Variants in LHX9 observed in about 807,000 individuals in gnomAD.
LHX9 encodes LIM/homeobox protein Lhx9.
In LHX9, 9 loss-of-function variants were observed where a neutral mutation model predicts 36.5. That is an observed-to-expected ratio of 0.25 (90% CI 0.15 to 0.43). The LOEUF (loss-of-function observed/expected upper bound fraction) is 0.43, where lower values mean the gene tolerates loss of function less well. LHX9 is among the 20% of genes least tolerant of loss of function. LHX9 has a pLI of 1.00. For synonymous variants in LHX9, 211 were observed against 212.1 expected (o/e 0.99, Z 0.04); for missense variants, 464 against 526.4 (o/e 0.88, Z 1.16).
upstream of LHX9, chr1:197,916,594 G>A (rs973071301): frequency 1.0e-5 from 7 of 692,832 alleles, no homozygotes; most frequent in Non-Finnish European, 1.6e-5. Context: ...GCGCAATTGC[G>A]TACCCGTGTG....
Position 197,933,750 on chromosome 1 carries a change from A to C in LHX9, c.*4491A>C, listed in dbSNP as rs1660387381. 1.3e-5 allele frequency: 2 copies of C among 151,910 alleles called. No homozygotes were observed. The highest frequency in any genetic ancestry group is 4.2e-4 in the South Asian group (2 of 4,816). 9.4% of individuals were successfully genotyped at this position (151,910 alleles called of 1,614,324 possible). A position where few individuals can be genotyped will look rare whatever the true frequency, so the allele number is the denominator to read the frequency against. On this transcript the variant is annotated 3_prime_UTR_variant, in exon 5 of 5. Coordinates refer to ENST00000367387, the MANE Select transcript of LHX9 (RefSeq NM_020204.3). ...GCACATTTTTTAAAACCAAAAAAAA[A>C]AAAAAAAAGAGAGAGAGAGAGAAAG...
chr1:197,917,438 TC>T lies in LHX9; in HGVS notation c.-385del. ...GCCAGGGAACGCTGAAAATAGCACG[TC>T]TTTTTCTTTCTTTGTGTTCAAAACT... is the stretch of plus-strand genomic sequence containing the variant. On this transcript the variant is annotated 5_prime_UTR_variant, in exon 1 of 5. Coordinates refer to ENST00000367387, the MANE Select transcript of LHX9 (RefSeq NM_020204.3). The T allele has an allele frequency of 7.6e-7, 1 of 1,315,746 alleles. No homozygotes were observed. 81.5% of individuals were successfully genotyped at this position (1,315,746 alleles called of 1,614,324 possible).
chr1:197,917,531 T>C lies in LHX9; in HGVS notation c.-293T>C. On this transcript the variant is annotated 5_prime_UTR_variant, in exon 1 of 5. Transcript: ENST00000367387. ...CAGTTGTTTCCCATTAGTAACTCGA[T>C]CTCTCAGAGCAGTAAGATTCGCCTT... 3 of 1,438,778 alleles carry C rather than the reference T, an allele frequency of 2.1e-6. No individual in the cohort carries two copies. The highest frequency in any genetic ancestry group is 2.8e-6 in the Non-Finnish European group (3 of 1,075,834). The allele number at this position is 1,438,778 out of a possible 1,614,324, so 89.1% of individuals were successfully genotyped here. A position where few individuals can be genotyped will look rare whatever the true frequency, so the allele number is the denominator to read the frequency against.
chr1:197,929,239 A>T lies in LHX9; in HGVS notation c.1174A>T (p.Thr392Ser). Residue 392 changes from threonine to serine, a missense_variant, in exon 5 of 5, where the codon ACC (threonine) becomes TCC (serine). Coordinates refer to ENST00000367387, the MANE Select transcript of LHX9 (RefSeq NM_020204.3). ...SHESGSPSQT[T>S]LTNLF is the part of the protein sequence containing the mutation. ...CGAATCCGGAAGCCCCTCACAAACT[A>T]CCTTAACAAACCTTTTCTAACATTG... 7.0e-7 allele frequency: 1 copy of T among 1,424,250 alleles called. No homozygotes were observed. The highest frequency in any genetic ancestry group is 9.2e-7 in the Non-Finnish European group (1 of 1,084,602). 88.2% of individuals were successfully genotyped at this position (1,424,250 alleles called of 1,614,324 possible).
chr1:197,920,958 G>C (rs929995729), intron 2 of LHX9, among the ~76,000 whole-genome samples: 4 of 152,096 alleles, frequency 2.6e-5, no homozygotes, highest in Admixed American at 2.0e-4. Context: ...AATTGATTAA[G>C]TGTTTTCACT....
Position 197,921,560 on chromosome 1 carries a change from G to A in LHX9, c.634G>A (p.Ala212Thr), listed in dbSNP as rs1439528246. ...TELAAKSGGL[A>T]LPYFNGTGTV... ...GCTGGCGGCCAAGAGCGGCGGCCTG[G>A]CCCTGCCTTACTTCAACGGTACGGG... The change falls in exon 3 of 5, where the codon GCC becomes ACC. Residue 212 changes from alanine to threonine, a missense_variant. Ala to Thr is a moderately conservative substitution (Grantham distance 58, BLOSUM62 0). Transcript: ENST00000367387. The surrounding 1 kb of genome is among the most constrained non-coding windows in gnomAD (Gnocchi z 4.6). The A allele has an allele frequency of 1.9e-6, 3 of 1,613,074 alleles. No individual in the cohort carries two copies. Among genetic ancestry groups the A allele is most frequent in the South Asian group, 2.2e-5 (2 of 91,078 alleles).
At chr1:197,917,221 C>G, upstream of LHX9, 1 of 1,197,332 alleles carries the variant, frequency 8.4e-7, no homozygotes, top group East Asian at 6.4e-5. Context: ...TCCTGCTTGC[C>G]CATCACCAGG....
chr1:197,923,243 AG>A (rs906446531), intron 3 of LHX9, among the ~76,000 whole-genome samples: 4 of 152,224 alleles, frequency 2.6e-5, no homozygotes, highest in African/African-American at 7.2e-5. Flanking sequence ...AAATCTCACC[AG>A]GGTCGGTCAA....
At chr1:197,917,004 C>T (rs1247844865), upstream of LHX9, among the ~76,000 whole-genome samples, 1 of 152,130 alleles carries the variant, frequency 6.6e-6, no homozygotes, top group East Asian at 1.9e-4. Flanking sequence ...ATCAAATAGG[C>T]GGGTTCTAGG....
chr1:197,928,902 A>AAAG lies in LHX9; in HGVS notation c.937-98_937-97insGAA, dbSNP rs1557977402. The AAAG allele has an allele frequency of 9.6e-6, 13 of 1,349,454 alleles. No individual in the cohort carries two copies. In the East Asian group the frequency reaches 2.7e-4, roughly 28 times the overall value. 83.6% of individuals were successfully genotyped at this position (1,349,454 alleles called of 1,614,324 possible). A position where few individuals can be genotyped will look rare whatever the true frequency, so the allele number is the denominator to read the frequency against. On this transcript the variant is annotated intron_variant, in intron 4 of 4. Coordinates refer to ENST00000367387, the MANE Select transcript of LHX9 (RefSeq NM_020204.3). The stretch of plus-strand genomic sequence containing the variant: ...AAGGAGAAACCTATATCAAAAAAAA[A>AAAG]AAAGAAAGAAAGAAAAAGAAAAAAA...
chr1:197,921,722 C>G lies in LHX9; in HGVS notation c.733+63C>G. 4 of 1,325,218 alleles carry G rather than the reference C, an allele frequency of 3.0e-6. No individual in the cohort carries two copies. Among genetic ancestry groups the G allele is most frequent in the South Asian group, 2.9e-5 (2 of 69,176 alleles). 82.1% of individuals were successfully genotyped at this position (1,325,218 alleles called of 1,614,324 possible). A position where few individuals can be genotyped will look rare whatever the true frequency, so the allele number is the denominator to read the frequency against. ...CTCCCTGAGGAAAATTCGTAGAGCT[C>G]CTTCCCCGTCCAAAGTCTTGCTGCA... On this transcript the variant is annotated intron_variant, in intron 3 of 4. Transcript: ENST00000367387. The surrounding 1 kb of genome is among the most constrained non-coding windows in gnomAD (Gnocchi z 4.6).
rs142164461 is a variant in LHX9 at position 197,922,265 on chromosome 1, G to A, written c.733+606G>A. On this transcript the variant is annotated intron_variant, in intron 3 of 4. Coordinates refer to ENST00000367387, the MANE Select transcript of LHX9 (RefSeq NM_020204.3). The stretch of plus-strand genomic sequence containing the variant: ...CCTAAGCCAGGATATTCAACCAGCC[G>A]TCTCATTCCCGGTGTGATAGACCAT... Among the ~76,000 whole-genome samples, 478 of 152,238 alleles carry A rather than the reference G, an allele frequency of 3.1e-3. 3 individuals are homozygous for A. The highest frequency in any genetic ancestry group is 0.02 in the Middle Eastern group (6 of 294).
upstream of LHX9, among the ~76,000 whole-genome samples, chr1:197,913,828 T>C (rs915922925): frequency 5.9e-5 from 9 of 152,228 alleles, no homozygotes; most frequent in Non-Finnish European, 1.2e-4. Flanking sequence ...CGCAGAATCA[T>C]GGCCTCCAAA....
At position 197,929,433 on chromosome 1, in the gene LHX9, A is replaced by G. The variant is rs1660263109; in HGVS notation, c.*174A>G. On this transcript the variant is annotated 3_prime_UTR_variant, in exon 5 of 5. Coordinates refer to ENST00000367387, the MANE Select transcript of LHX9 (RefSeq NM_020204.3). ...CTGCAGCCACTTGGCAAATGAGTTTACAGTATTGTCTCCTTTAAGTGAATA... is the reference window on the plus strand; with the variant it reads ...CTGCAGCCACTTGGCAAATGAGTTTGCAGTATTGTCTCCTTTAAGTGAATA... 1 of 1,132,840 alleles carries G rather than the reference A, an allele frequency of 8.8e-7. No individual in the cohort carries two copies. The highest frequency in any genetic ancestry group is 4.4e-5 in the South Asian group (1 of 22,684). The allele number at this position is 1,132,840 out of a possible 1,614,324, so 70.2% of individuals were successfully genotyped here. A position where few individuals can be genotyped will look rare whatever the true frequency, so the allele number is the denominator to read the frequency against.
chr1:197,927,389 T>C (rs1454319898), intron 3 of LHX9, among the ~76,000 whole-genome samples: 1 of 152,244 alleles, frequency 6.6e-6, no homozygotes, highest in East Asian at 1.9e-4. Flanking sequence ...GCATAAACTT[T>C]GGTTGTGTCT....
At position 197,917,778 on chromosome 1, in the gene LHX9, C is replaced by T; in HGVS notation, c.-46C>T. On this transcript the variant is annotated 5_prime_UTR_variant, in exon 1 of 5. Transcript: ENST00000367387. ...CCTACAGGGCAGCCCTCTCTGGTCC[C>T]TTGCCTCCTTCACTCGGATGAGCTG... 2 of 1,613,970 alleles carry T rather than the reference C, an allele frequency of 1.2e-6. No individual in the cohort carries two copies. Among genetic ancestry groups the T allele is most frequent in the South Asian group, 1.1e-5 (1 of 91,044 alleles).
chr1:197,925,275 C>T (rs185088483), intron 3 of LHX9, among the ~76,000 whole-genome samples: 1 of 152,262 alleles, frequency 6.6e-6, no homozygotes, highest in Admixed American at 6.5e-5. Context: ...AATCTTACTA[C>T]AATTATTTTT....
Position 197,933,096 on chromosome 1 carries a change from T to A in LHX9, c.*3837T>A, listed in dbSNP as rs57112839. ...TTTTTTTTAATTGTTAAAGGGAATA[T>A]TTGAAGAATAAAATTTTAGCTATTC... On this transcript the variant is annotated 3_prime_UTR_variant, in exon 5 of 5. Coordinates refer to ENST00000367387, the MANE Select transcript of LHX9 (RefSeq NM_020204.3). 2.7e-3 allele frequency: 409 copies of A among 152,032 alleles called. 3 individuals carry two copies. Among genetic ancestry groups the A allele is most frequent in the African/African-American group, 9.2e-3 (384 of 41,524 alleles). The allele number at this position is 152,032 out of a possible 1,614,324, so 9.4% of individuals were successfully genotyped here.
chr1:197,927,779 A>G lies in LHX9; in HGVS notation c.922A>G (p.Lys308Glu). Residue 308 changes from lysine (K) to glutamate (E), a missense_variant, in exon 4 of 5, where the codon AAA (lysine) becomes GAA (glutamate). Coordinates refer to ENST00000367387, the MANE Select transcript of LHX9 (RefSeq NM_020204.3). ...GCTTGCCCAGAAAACAGGTCTGACC[A>G]AAAGAGTTTTGCAGGTAAGACACAT... is the stretch of plus-strand genomic sequence containing the variant. ...KQLAQKTGLT[K>E]RVLQVWFQNA... 6.2e-7 allele frequency: 1 copy of G among 1,614,192 alleles called. No individual in the cohort carries two copies. Among genetic ancestry groups the G allele is most frequent in the Non-Finnish European group, 8.5e-7 (1 of 1,179,994 alleles).
Sources: allele counts gnomAD v4.1 joint callset (sites outside exome capture counted in the v4.1 genomes callset), GRCh38; gene constraint gnomAD v4.1.1; non-coding constraint Gnocchi (gnomAD v3.1); transcripts MANE v1.5; gene names NCBI Gene and HGNC (gene_info 2026-07-23, HGNC 2026-07-21).